The following EEF1A2 variants were observed in gnomAD, a reference collection of about 807,000 sequenced individuals.
EEF1A2 encodes the protein elongation factor 1-alpha 2.
In EEF1A2, 5 loss-of-function variants were observed where a neutral mutation model predicts 39.3. That is an observed-to-expected ratio of 0.13 (90% CI 0.07 to 0.27). The LOEUF (loss-of-function observed/expected upper bound fraction) is 0.27. EEF1A2 is among the 10% of genes least tolerant of loss of function. The probability of loss-of-function intolerance (pLI) is 1.00; values close to 1 mark genes in which losing one functional copy is unlikely to be tolerated. For synonymous variants in EEF1A2, 287 were observed against 293.7 expected (o/e 0.98, Z 0.23); for missense variants, 218 against 681.4 (o/e 0.32, Z 7.57).
At chr20:63,492,760 G>T (rs1600906007) in intron 5 of EEF1A2, among the ~76,000 whole-genome samples, 1 of 147,478 alleles carries the variant, frequency 6.8e-6, no homozygotes, top group African/African-American at 2.6e-5. Flanking sequence ...ACAGAAGGAT[G>T]GATGGGTGGG....
chr20:63,488,546 G>A, intron 7 of EEF1A2, 121 bp from the exon 8 acceptor site: 1 of 1,279,464 alleles, frequency 7.8e-7, no homozygotes, highest in Non-Finnish European at 1.0e-6. Context: ...GCTTAGCGCA[G>A]AGCGCGCCCC....
chr20:63,492,161 GATGT>G (rs2082386396), intron 5 of EEF1A2, among the ~76,000 whole-genome samples: 1 of 145,150 alleles, frequency 6.9e-6, no homozygotes, highest in African/African-American at 2.6e-5. Context: ...TGGATGGATG[GATGT>G]ATGGGTGGGT....
At chr20:63,492,013 AACGGATGGATGAG>A (rs1217628416) in intron 5 of EEF1A2, among the ~76,000 whole-genome samples, 16 of 63,836 alleles carry the variant, frequency 2.5e-4, no homozygotes, top group Non-Finnish European at 3.5e-4. Flanking sequence ...TGAGGAGATG[AACGGATGGATGAG>A]ATGGATGGAT....
chr20:63,492,117 G>T, intron 5 of EEF1A2, among the ~76,000 whole-genome samples: 1 of 142,832 alleles, frequency 7.0e-6, no homozygotes, highest in East Asian at 2.1e-4. Flanking sequence ...TGGATGGATG[G>T]ATGGATGGAT....
chr20:63,498,838 T>A lies in EEF1A2; in HGVS notation c.-72+220A>T, dbSNP rs989388874. 2.7e-5 allele frequency: 4 copies of A among 150,900 alleles called. No homozygotes were observed. The highest frequency in any genetic ancestry group is 4.9e-5 in the African/African-American group (2 of 41,140). 9.3% of individuals were successfully genotyped at this position (150,900 alleles called of 1,614,324 possible). A position where few individuals can be genotyped will look rare whatever the true frequency, so the allele number is the denominator to read the frequency against. On this transcript the variant is annotated intron_variant, in intron 1 of 7. Coordinates refer to ENST00000217182, the MANE Select transcript of EEF1A2 (RefSeq NM_001958.5). This position sits in a 1 kb window ranked among gnomAD's most constrained non-coding sequence, Gnocchi z 4.1. The stretch of plus-strand genomic sequence containing the variant: ...GTCCCCGCGGCCCCAAGGTCACGGC[T>A]ACGGGGCGATCGCCGCCCAGGACCC...
chr20:63,490,462 C>A lies in EEF1A2; in HGVS notation c.1029+17G>T. 4 of 1,602,084 alleles carry A rather than the reference C, an allele frequency of 2.5e-6. No individual in the cohort carries two copies. The South Asian group carries it at 4.4e-5, about 18-fold the overall frequency. On this transcript the variant is annotated intron_variant, in intron 6 of 7. Coordinates refer to ENST00000217182, the MANE Select transcript of EEF1A2 (RefSeq NM_001958.5). ...TCCAGCAGGCGCCAGCCCCCTGGAC[C>A]CAGCGCAGCCCCCCACCTGGGAGGT...
At chr20:63,495,468 G>A (rs1036679978) in intron 3 of EEF1A2, among the ~76,000 whole-genome samples, 1 of 152,194 alleles carries the variant, frequency 6.6e-6, no homozygotes, top group Non-Finnish European at 1.5e-5. Context: ...CTGTGTCTGG[G>A]GTGTCCGTGC....
At chr20:63,491,464 G>A (rs747773310) in intron 5 of EEF1A2, among the ~76,000 whole-genome samples, 8 of 152,242 alleles carry the variant, frequency 5.3e-5, no homozygotes, top group Non-Finnish European at 8.8e-5. Flanking sequence ...CTTCACTGAG[G>A]CCAGTGGCTG....
chr20:63,491,535 T>A (rs2082378587), intron 5 of EEF1A2, among the ~76,000 whole-genome samples: 3 of 152,148 alleles, frequency 2.0e-5, no homozygotes, highest in African/African-American at 7.2e-5. Context: ...CTGCAACATC[T>A]TTGGCTGCAG....
At position 63,495,063 on chromosome 20, in the gene EEF1A2, G is replaced by T; in HGVS notation, c.363C>A (p.Gly121=). 6.2e-7 allele frequency: 1 copy of T among 1,611,838 alleles called. No homozygotes were observed. Among genetic ancestry groups the T allele is most frequent in the Non-Finnish European group, 8.5e-7 (1 of 1,179,842 alleles). Residue 121 remains glycine (G), a synonymous_variant, in exon 4 of 8, where the codon GGC becomes GGA. Coordinates refer to ENST00000217182, the MANE Select transcript of EEF1A2 (RefSeq NM_001958.5). ...TCTTGGAGATGCCCGCCTCGAACTC[G>T]CCCACGCCCGCCGCCACGATCAGCA... ...CAVLIVAAGV[G]EFEAGISKNG...
chr20:63,493,018 A>C, intron 5 of EEF1A2, 119 bp downstream of exon 5: 7 of 1,342,552 alleles, frequency 5.2e-6, no homozygotes, highest in Non-Finnish European at 6.9e-6. Context: ...TCCCACAGAA[A>C]GTGTGTGGTA....
intron 7 of EEF1A2, 102 bp downstream of exon 7, chr20:63,488,816 G>A (rs1600902003): frequency 2.4e-6 from 3 of 1,264,622 alleles, no homozygotes; most frequent in East Asian, 5.0e-5. Flanking sequence ...CAGGAAAGGG[G>A]GCCCACTGCT....
rs2082423919 is a variant in EEF1A2 at position 63,497,520 on chromosome 20, C to T, written c.144+100G>A. ...TCCCTCCTGCCCTGGAGGAGGTCAC[C>T]TGAGCCCCATGCCCTGGGGCTGGGA... On this transcript the variant is annotated intron_variant, in intron 2 of 7. Transcript: ENST00000217182. The surrounding 1 kb of genome is among the most constrained non-coding windows in gnomAD (Gnocchi z 7.3). The T allele has an allele frequency of 5.9e-6, 9 of 1,527,166 alleles. No individual in the cohort carries two copies. Among genetic ancestry groups the T allele is most frequent in the Non-Finnish European group, 7.9e-6 (9 of 1,136,326 alleles). The allele number at this position is 1,527,166 out of a possible 1,614,324, so 94.6% of individuals were successfully genotyped here. A position where few individuals can be genotyped will look rare whatever the true frequency, so the allele number is the denominator to read the frequency against.
At chr20:63,489,221 G>T in intron 6 of EEF1A2, 69 bp from the exon 7 acceptor site, 1 of 1,499,612 alleles carries the variant, frequency 6.7e-7, no homozygotes, top group East Asian at 2.4e-5. Flanking sequence ...CCAGAGCGGG[G>T]CTGGGAGGCC....
chr20:63,488,409 G>C lies in EEF1A2; in HGVS notation c.1281C>G (p.Arg427=). The change falls in exon 8 of 8, where the codon CGC becomes CGG. Residue 427 remains arginine (R), a synonymous_variant. Coordinates refer to ENST00000217182, the MANE Select transcript of EEF1A2 (RefSeq NM_001958.5). ...CTACGGCCACCGTCTGCCTCATGTC[G>C]CGCACGGCGAAGCGGCCTGGGGGGC... The part of the protein sequence containing the change: ...QYPPLGRFAV[R]DMRQTVAVGV... 2 of 1,465,924 alleles carry C rather than the reference G, an allele frequency of 1.4e-6. No homozygotes were observed. The highest frequency in any genetic ancestry group is 1.8e-6 in the Non-Finnish European group (2 of 1,110,686). The allele number at this position is 1,465,924 out of a possible 1,614,324, so 90.8% of individuals were successfully genotyped here.
chr20:63,490,067 CTTTT>C, intron 6 of EEF1A2: 1 of 150,826 alleles, frequency 6.6e-6, no homozygotes, highest in Non-Finnish European at 1.5e-5. Context: ...GGTCCCTTTT[CTTTT>C]TTTTTTTTTC....
chr20:63,494,308 G>C (rs140384913), intron 4 of EEF1A2, among the ~76,000 whole-genome samples: 2 of 152,206 alleles, frequency 1.3e-5, no homozygotes, highest in Admixed American at 6.5e-5. Flanking sequence ...CCAGGTGACC[G>C]GCCAAGAGCC....
In EEF1A2 at chr20:63,497,571, G is replaced by A. The variant is rs774598508; in HGVS notation, c.144+49C>T. 1 of 1,581,892 alleles carries A rather than the reference G, an allele frequency of 6.3e-7. No homozygotes were observed. Among genetic ancestry groups the A allele is most frequent in the East Asian group, 2.3e-5 (1 of 44,334 alleles). On this transcript the variant is annotated intron_variant, in intron 2 of 7. Transcript: ENST00000217182. This position sits in a 1 kb window ranked among gnomAD's most constrained non-coding sequence, Gnocchi z 7.3. ...GATGCCAAGCCTGGCCACCACGGGA[G>A]TTGGGGGTTCCTTCTCAGGGGGCCA...
chr20:63,494,178 C>G (rs112804546), intron 4 of EEF1A2, among the ~76,000 whole-genome samples: 1 of 152,360 alleles, frequency 6.6e-6, no homozygotes, highest in Non-Finnish European at 1.5e-5. Context: ...GGTGGCCATT[C>G]TGGGGTCTCC....
Sources: allele counts gnomAD v4.1 joint callset (sites outside exome capture counted in the v4.1 genomes callset), GRCh38; gene constraint gnomAD v4.1.1; non-coding constraint Gnocchi (gnomAD v3.1); transcripts MANE v1.5; gene names NCBI Gene and HGNC (gene_info 2026-07-23, HGNC 2026-07-21).